The following SETD5 variants were observed in gnomAD, a reference collection of about 807,000 sequenced individuals.
SETD5 encodes SET domain containing 5.
SETD5 carries 44 observed loss-of-function variants against 153.3 expected under a neutral mutation model. The ratio of observed to expected loss-of-function variants is 0.29; its 90% CI spans 0.23 to 0.37. The LOEUF (loss-of-function observed/expected upper bound fraction) is 0.37. Ranked by LOEUF, SETD5 falls within the 10% of genes least tolerant of loss-of-function variation. SETD5 has a pLI of 1.00. For synonymous variants in SETD5, 716 were observed against 645.2 expected (o/e 1.11, Z -1.66); for missense variants, 1,544 against 1,768.0 (o/e 0.87, Z 2.27).
At chr3:9,461,674 A>G (rs959550886) in intron 17 of SETD5, among the ~76,000 whole-genome samples, 6 of 152,214 alleles carry the variant, frequency 3.9e-5, no homozygotes, top group Admixed American at 2.0e-4. Flanking sequence ...GTATCATAAT[A>G]AGTACTCAGT....
Position 9,468,703 on chromosome 3 carries a change from G to A in SETD5, c.2725-1756G>A, listed in dbSNP as rs1010899731. 6 of 666,462 alleles carry A rather than the reference G, an allele frequency of 9.0e-6. No individual in the cohort carries two copies. The African/African-American group carries it at 1.1e-4, about 12-fold the overall frequency. The allele number at this position is 666,462 out of a possible 1,614,324, so 41.3% of individuals were successfully genotyped here. ...TGATGGGCTGGAGGGCGGCCACTCA[G>A]TCACAGTAAGTTGAATGAGTCTTCC... On this transcript the variant is annotated intron_variant, in intron 18 of 22. Coordinates refer to ENST00000402198, the MANE Select transcript of SETD5 (RefSeq NM_001080517.3).
At position 9,435,795 on chromosome 3, in the gene SETD5, A is replaced by C. The variant is rs767581317; in HGVS notation, c.456A>C (p.Ala152=). 24 of 1,603,528 alleles carry C rather than the reference A, an allele frequency of 1.5e-5. No homozygotes were observed. Among genetic ancestry groups the C allele is most frequent in the Non-Finnish European group, 2.0e-5 (24 of 1,174,832 alleles). The change falls in exon 7 of 23, where the codon GCA becomes GCC. Residue 152 remains alanine (A), a synonymous_variant. Coordinates refer to ENST00000402198, the MANE Select transcript of SETD5 (RefSeq NM_001080517.3). ...ELSPSTVLYT[A]TQHTPTSITL... Reference sequence around the variant, plus strand: ...CTCCTTCCACTGTGTTGTATACAGCAACACAGCACACACCTACAAGCATCA... The same window carrying C: ...CTCCTTCCACTGTGTTGTATACAGCCACACAGCACACACCTACAAGCATCA...
At position 9,446,960 on chromosome 3, in the gene SETD5, C is replaced by T; in HGVS notation, c.1525-90C>T. 5.6e-6 allele frequency: 5 copies of T among 887,758 alleles called. No homozygotes were observed. In the South Asian group the frequency reaches 7.9e-5, roughly 14 times the overall value. The allele number at this position is 887,758 out of a possible 1,614,324, so 55.0% of individuals were successfully genotyped here. ...ATCTTACTGGTAGTTAAATGAATTT[C>T]TGTAAATTTCCATTAAAAATACTTT... On this transcript the variant is annotated intron_variant, in intron 13 of 22. Transcript: ENST00000402198.
In SETD5 at chr3:9,397,995, A is replaced by G. The variant is rs2033953771; in HGVS notation, c.-177+18A>G. ...GGGACAAGGTAAGGGTCCGACAGAA[A>G]AGAGACCGAACCTCACGATCGGGCC... On this transcript the variant is annotated intron_variant, in intron 1 of 22. Transcript: ENST00000402198. 1 of 151,874 alleles carries G rather than the reference A, an allele frequency of 6.6e-6. No individual in the cohort carries two copies. The highest frequency in any genetic ancestry group is 2.4e-5 in the African/African-American group (1 of 41,294). 9.4% of individuals were successfully genotyped at this position (151,874 alleles called of 1,614,324 possible). A position where few individuals can be genotyped will look rare whatever the true frequency, so the allele number is the denominator to read the frequency against.
chr3:9,451,111 T>C (rs1260030616), intron 16 of SETD5, among the ~76,000 whole-genome samples: 1 of 152,228 alleles, frequency 6.6e-6, no homozygotes, highest in East Asian at 1.9e-4. Context: ...ACAATGTGTA[T>C]AGGGCATTTG....
At chr3:9,450,391 C>A (rs1328968717) in intron 16 of SETD5, among the ~76,000 whole-genome samples, 1 of 152,144 alleles carries the variant, frequency 6.6e-6, no homozygotes, top group African/African-American at 2.4e-5. Flanking sequence ...CATAACAAGA[C>A]TATTTAAATA....
rs893400136 is a variant in SETD5, at chr3:9,477,541, T to C, written c.*1450T>C. 2.6e-5 allele frequency: 4 copies of C among 152,648 alleles called. No individual in the cohort carries two copies. The highest frequency in any genetic ancestry group is 9.7e-5 in the African/African-American group (4 of 41,422). 9.5% of individuals were successfully genotyped at this position (152,648 alleles called of 1,614,324 possible). A position where few individuals can be genotyped will look rare whatever the true frequency, so the allele number is the denominator to read the frequency against. Reference sequence around the variant, plus strand: ...CTTCCCTCTAATTTGTTTTCCTTTTTTCCCCAGCCTCTTGCATCCCCTTCT... The same window carrying C: ...CTTCCCTCTAATTTGTTTTCCTTTTCTCCCCAGCCTCTTGCATCCCCTTCT... On this transcript the variant is annotated 3_prime_UTR_variant, in exon 23 of 23. Transcript: ENST00000402198.
chr3:9,454,646 A>AC (rs2043014908), intron 17 of SETD5, among the ~76,000 whole-genome samples: 1 of 149,580 alleles, frequency 6.7e-6, no homozygotes, highest in Admixed American at 6.7e-5. Flanking sequence ...AAAAAAAAAA[A>AC]AAAACAAATT....
chr3:9,452,401 G>T lies in SETD5; in HGVS notation c.2347-1338G>T, dbSNP rs1057281818. Among the ~76,000 whole-genome samples, 3 of 152,100 alleles carry T rather than the reference G, an allele frequency of 2.0e-5. No homozygotes were observed. In the East Asian group the frequency reaches 5.8e-4, roughly 29 times the overall value. ...TCTAAGTTCTCTTCTAAGCTTTAAGGCTATATGTATGGTTCTGACAATTCA... is the reference window on the plus strand; with the variant it reads ...TCTAAGTTCTCTTCTAAGCTTTAAGTCTATATGTATGGTTCTGACAATTCA... On this transcript the variant is annotated intron_variant, in intron 16 of 22. Coordinates refer to ENST00000402198, the MANE Select transcript of SETD5 (RefSeq NM_001080517.3).
chr3:9,466,758 C>T (rs916201611), intron 18 of SETD5, among the ~76,000 whole-genome samples: 8 of 152,102 alleles, frequency 5.3e-5, no homozygotes, highest in Admixed American at 4.6e-4. Flanking sequence ...GGCATGGTGG[C>T]TCACACCTGT....
chr3:9,443,425 C>G lies in SETD5; in HGVS notation c.1187+8C>G. On this transcript the variant is annotated splice_region_variant and intron_variant, in intron 11 of 22. Coordinates refer to ENST00000402198, the MANE Select transcript of SETD5 (RefSeq NM_001080517.3). ...TTATGAGTATAGTAACTGGTAAGAC[C>G]TCAGAAACCTTTCCTAACAGGAATA... The G allele has an allele frequency of 2.3e-6, 3 of 1,329,752 alleles. No individual in the cohort carries two copies. Among genetic ancestry groups the G allele is most frequent in the Non-Finnish European group, 2.0e-6 (2 of 1,021,828 alleles). The allele number at this position is 1,329,752 out of a possible 1,614,324, so 82.4% of individuals were successfully genotyped here.
chr3:9,413,757 C>G (rs1279278282), intron 1 of SETD5, among the ~76,000 whole-genome samples: 1 of 150,510 alleles, frequency 6.6e-6, no homozygotes, highest in Non-Finnish European at 1.5e-5. Context: ...CTAGAAGTTT[C>G]ATTTTTTGTT....
At chr3:9,418,506 AGT>A (rs1271949222) in intron 1 of SETD5, among the ~76,000 whole-genome samples, 3 of 152,200 alleles carry the variant, frequency 2.0e-5, no homozygotes, top group African/African-American at 7.2e-5. Context: ...TCTAATATTT[AGT>A]GTGTAAGAAC....
Position 9,406,218 on chromosome 3 carries a change from A to G in SETD5, c.-177+8241A>G, listed in dbSNP as rs950870841. On this transcript the variant is annotated intron_variant, in intron 1 of 22. Transcript: ENST00000402198. ...ACATTTGGGGTAGAATCTAAAGGGC[A>G]TATTTTTAAAAAAACTTTTAGTTCT... 5.9e-5 allele frequency among the ~76,000 whole-genome samples: 9 copies of G among 152,228 alleles called. No individual in the cohort carries two copies. In the East Asian group the frequency reaches 1.3e-3, roughly 23 times the overall value.
Position 9,441,472 on chromosome 3 carries a change from A to G in SETD5, c.811-121A>G, listed in dbSNP as rs1023679705. 11 of 905,402 alleles carry G rather than the reference A, an allele frequency of 1.2e-5. No individual in the cohort carries two copies. The African/African-American group carries it at 1.8e-4, about 15-fold the overall frequency. 56.1% of individuals were successfully genotyped at this position (905,402 alleles called of 1,614,324 possible). On this transcript the variant is annotated intron_variant, in intron 8 of 22. Coordinates refer to ENST00000402198, the MANE Select transcript of SETD5 (RefSeq NM_001080517.3). ...TTTTAAAATTTCTCATCATTGATCTAAATAACATGTACAGATAAAACCTGA... is the reference window on the plus strand; with the variant it reads ...TTTTAAAATTTCTCATCATTGATCTGAATAACATGTACAGATAAAACCTGA...
intron 18 of SETD5, among the ~76,000 whole-genome samples, chr3:9,469,535 A>G (rs949294341): frequency 2.0e-5 from 3 of 152,170 alleles, no homozygotes; most frequent in African/African-American, 7.2e-5. Flanking sequence ...GTTTTATTCC[A>G]CTAGTATATT....
intron 1 of SETD5, among the ~76,000 whole-genome samples, chr3:9,412,127 T>C (rs1361345439): frequency 6.6e-6 from 1 of 152,012 alleles, no homozygotes; most frequent in Non-Finnish European, 1.5e-5. Flanking sequence ...TACATTTGTC[T>C]TTACATGCCC....
chr3:9,436,990 G>A (rs1252712333), intron 7 of SETD5: 2 of 1,047,010 alleles, frequency 1.9e-6, no homozygotes, highest in African/African-American at 1.6e-5. Flanking sequence ...CTTGGACTCT[G>A]CTTTTCATTA....
chr3:9,445,598 A>G, intron 12 of SETD5, 59 bp from the exon 13 acceptor site: 2 of 1,460,122 alleles, frequency 1.4e-6, no homozygotes, highest in Non-Finnish European at 1.9e-6. Flanking sequence ...TACCAGAATA[A>G]AACAGATTGA....
Sources: allele counts gnomAD v4.1 joint callset (sites outside exome capture counted in the v4.1 genomes callset), GRCh38; gene constraint gnomAD v4.1.1; transcripts MANE v1.5; gene names NCBI Gene and HGNC (gene_info 2026-07-23, HGNC 2026-07-21).